MACO1: variants seen among roughly 807,000 people sequenced by gnomAD.
MACO1 encodes macoilin 1.
A neutral mutation model predicts 78.7 loss-of-function variants in MACO1; 14 were observed. That is an observed-to-expected ratio of 0.18 (90% CI 0.12 to 0.28). The LOEUF is 0.28. Ranked by LOEUF, MACO1 falls within the 10% of genes least tolerant of loss-of-function variation. The pLI is 1.00. For missense variants in MACO1, 501 were observed against 799.0 expected (o/e 0.63, Z 4.50); for synonymous variants, 288 against 291.6 (o/e 0.99, Z 0.12).
At chr1:25,457,880 A>G (rs888501539) in intron 5 of MACO1, among the ~76,000 whole-genome samples, 3 of 152,232 alleles carry the variant, frequency 2.0e-5, no homozygotes, top group Admixed American at 2.0e-4. Context: ...CTTCCTTATT[A>G]CCTCAACACT....
chr1:25,437,651 G>T (rs182297835), intron 1 of MACO1, among the ~76,000 whole-genome samples: 1 of 152,146 alleles, frequency 6.6e-6, no homozygotes, highest in Admixed American at 6.6e-5. Flanking sequence ...TTTTGGCCGG[G>T]TGTGATGGCT....
chr1:25,491,326 G>A, intron 9 of MACO1, 84 bp from the exon 10 acceptor site: 3 of 1,568,628 alleles, frequency 1.9e-6, no homozygotes, highest in Non-Finnish European at 2.6e-6. Context: ...AGAATAGTGG[G>A]ATTTAATTTG....
intron 1 of MACO1, among the ~76,000 whole-genome samples, chr1:25,439,599 A>G (rs1304842320): frequency 1.4e-4 from 22 of 152,076 alleles, no homozygotes; most frequent in Non-Finnish European, 1.6e-4. Context: ...TGGATTTTAT[A>G]CAAGGAGGTG....
At chr1:25,451,695 T>C (rs1363228452) in intron 3 of MACO1, among the ~76,000 whole-genome samples, 1 of 152,110 alleles carries the variant, frequency 6.6e-6, no homozygotes, top group African/African-American at 2.4e-5. Context: ...TCATTTGAAT[T>C]CAGGAGTTCA....
At position 25,448,867 on chromosome 1, in the gene MACO1, C is replaced by A. The variant is rs1230614194; in HGVS notation, c.282C>A (p.Phe94Leu). Residue 94 changes from phenylalanine to leucine, a missense_variant, in exon 3 of 11, where the codon TTC (phenylalanine) becomes TTA (leucine). Around this residue, in one of 5 missense-constraint regions of MACO1, gnomAD observed 171 missense variants for 292.1 expected, o/e 0.59. Transcript: ENST00000374343. Reference sequence around the variant, plus strand: ...CGTCAAATATAATATGCCTGCTGTTCATCCCCATACAGTGGCTTTTTTTTG... The same window carrying A: ...CGTCAAATATAATATGCCTGCTGTTAATCCCCATACAGTGGCTTTTTTTTG... ...AFTSNIICLL[F>L]IPIQWLFFAA... The A allele has an allele frequency of 6.4e-7, 1 of 1,558,536 alleles. No homozygotes were observed. Among genetic ancestry groups the A allele is most frequent in the Non-Finnish European group, 8.8e-7 (1 of 1,141,882 alleles).
At chr1:25,475,690 A>T (rs1362509217) in intron 6 of MACO1, among the ~76,000 whole-genome samples, 1 of 152,184 alleles carries the variant, frequency 6.6e-6, no homozygotes, top group East Asian at 1.9e-4. Flanking sequence ...GCAGGTTAGT[A>T]GTATCCTCTT....
At chr1:25,431,968 A>G (rs1031579001) in intron 1 of MACO1, among the ~76,000 whole-genome samples, 27 of 151,942 alleles carry the variant, frequency 1.8e-4, no homozygotes, top group Admixed American at 1.6e-3. Context: ...ATAGAAATTG[A>G]ATTCAGTCCA....
intron 1 of MACO1, among the ~76,000 whole-genome samples, chr1:25,437,924 AAAAG>A (rs1288472028): frequency 1.3e-5 from 2 of 152,206 alleles, no homozygotes; most frequent in Non-Finnish European, 2.9e-5. Context: ...CTGTGTCAAA[AAAAG>A]AGAATTGGCT....
At chr1:25,457,321 A>G (rs1343768636) in intron 5 of MACO1, among the ~76,000 whole-genome samples, 1 of 152,014 alleles carries the variant, frequency 6.6e-6, no homozygotes, top group African/African-American at 2.4e-5. Context: ...TGTGTTGTTC[A>G]GGCTAGTCTC....
chr1:25,463,211 C>CA (rs1177154860), intron 6 of MACO1, among the ~76,000 whole-genome samples: 1 of 152,088 alleles, frequency 6.6e-6, no homozygotes, highest in Non-Finnish European at 1.5e-5. Flanking sequence ...AATGTTGAAT[C>CA]AATGAATGAT....
In MACO1 at chr1:25,458,698, A is replaced by G. The variant is rs2043145066; in HGVS notation, c.960A>G (p.Lys320=). 5 of 1,614,080 alleles carry G rather than the reference A, an allele frequency of 3.1e-6. No homozygotes were observed. The highest frequency in any genetic ancestry group is 3.4e-6 in the Non-Finnish European group (4 of 1,180,050). Residue 320 remains lysine, a synonymous_variant, in exon 6 of 11, where the codon AAA becomes AAG. Transcript: ENST00000374343. ...LKEDSCTASS[K]NYKNASGVVN... is the part of the protein sequence containing the mutation. Reference sequence around the variant, plus strand: ...AGGACTCATGCACTGCTTCCTCAAAAAATTACAAAAATGCCAGTGGAGTTG... The same window carrying G: ...AGGACTCATGCACTGCTTCCTCAAAGAATTACAAAAATGCCAGTGGAGTTG...
intron 9 of MACO1, among the ~76,000 whole-genome samples, chr1:25,490,789 TTAATA>T (rs139766510): frequency 0.014 from 2,101 of 152,344 alleles, 41 homozygotes; most frequent in African/African-American, 0.047. Flanking sequence ...AACTGTACAT[TTAATA>T]TTTCACTTCT....
At chr1:25,493,929 C>T (rs1323089728) in intron 10 of MACO1, among the ~76,000 whole-genome samples, 1 of 152,042 alleles carries the variant, frequency 6.6e-6, no homozygotes, top group Admixed American at 6.5e-5. Context: ...GATGGGGTTT[C>T]ACCGTGTTAG....
chr1:25,449,958 G>A (rs2043050626), intron 3 of MACO1, among the ~76,000 whole-genome samples: 1 of 152,224 alleles, frequency 6.6e-6, no homozygotes, highest in South Asian at 2.1e-4. Flanking sequence ...GACAGAGGTG[G>A]CAGTGAGCTG....
chr1:25,480,949 T>A (rs1230239189), intron 6 of MACO1, among the ~76,000 whole-genome samples: 1,333 of 37,882 alleles, frequency 0.035, 119 homozygotes, highest in East Asian at 0.17. Flanking sequence ...TATATATATA[T>A]ATATATATAT....
chr1:25,468,722 G>A (rs755955489), intron 6 of MACO1, among the ~76,000 whole-genome samples: 3 of 152,060 alleles, frequency 2.0e-5, no homozygotes, highest in Non-Finnish European at 4.4e-5. Flanking sequence ...GGAAAACATT[G>A]CTCAGGATTT....
At position 25,461,639 on chromosome 1, in the gene MACO1, G is replaced by T. The variant is rs1015897534; in HGVS notation, c.1154+2747G>T. ...ATGGGAGAAATTTAAAATAAATTAT[G>T]GTCCATCCATTTGATAAACTTTTCA... On this transcript the variant is annotated intron_variant, in intron 6 of 10. Transcript: ENST00000374343. Among the ~76,000 whole-genome samples the T allele has an allele frequency of 3.3e-5, 5 of 151,874 alleles. No homozygotes were observed. The East Asian group carries it at 9.7e-4, about 29-fold the overall frequency.
intron 5 of MACO1, 22 bp downstream of exon 5, chr1:25,456,853 G>A (rs1452705586): frequency 4.5e-6 from 7 of 1,570,148 alleles, no homozygotes; most frequent in Admixed American, 2.1e-5. Flanking sequence ...CCCTAAAGCT[G>A]TTGGCTCAAT....
intron 10 of MACO1, among the ~76,000 whole-genome samples, chr1:25,496,174 CAG>C (rs2124615784): frequency 7.0e-6 from 1 of 143,758 alleles, no homozygotes; most frequent in Non-Finnish European, 1.5e-5. Flanking sequence ...TTTTTTGAGA[CAG>C]GGTCTCTGTC....
Sources: allele counts gnomAD v4.1 joint callset (sites outside exome capture counted in the v4.1 genomes callset), GRCh38; gene constraint gnomAD v4.1.1; regional missense constraint gnomAD v4.1.1; transcripts MANE v1.5; gene names NCBI Gene and HGNC (gene_info 2026-07-23, HGNC 2026-07-21).